SVIL: variants seen among roughly 807,000 people sequenced by gnomAD.
The protein encoded by SVIL is supervillin.
SVIL carries 101 observed loss-of-function variants against 240.4 expected under a neutral mutation model. That is an observed-to-expected ratio of 0.42 (90% CI 0.36 to 0.50). The LOEUF (loss-of-function observed/expected upper bound fraction) is 0.50. Among genes scored for constraint, SVIL ranks in the 20% least tolerant of loss-of-function variants. SVIL has a pLI of 0.01. For missense variants in SVIL, 2,512 were observed against 2,818.7 expected, an observed-to-expected ratio of 0.89 and a Z score of 2.46; for synonymous variants, 999 against 1,100.0, an observed-to-expected ratio of 0.91 and a Z score of 1.82.
chr10:29,635,729 T>C (rs1350238063), upstream of SVIL, among the ~76,000 whole-genome samples: 3 of 152,226 alleles, frequency 2.0e-5, no homozygotes, highest in African/African-American at 7.2e-5. Context: ...CAACCCTGTT[T>C]ACAAAATACT....
chr10:29,552,809 A>C (rs946246858), intron 5 of SVIL, among the ~76,000 whole-genome samples: 17 of 152,030 alleles, frequency 1.1e-4, no homozygotes, highest in African/African-American at 4.1e-4. Context: ...GCCTCTTCCC[A>C]CCCTCTGGCA....
intron 17 of SVIL, among the ~76,000 whole-genome samples, chr10:29,506,656 T>TAC (rs567169768): frequency 3.7e-5 from 5 of 134,908 alleles, no homozygotes; most frequent in African/African-American, 1.5e-4. Flanking sequence ...ACAGAGGCCC[T>TAC]GGAGGGAGGG....
intron 17 of SVIL, among the ~76,000 whole-genome samples, chr10:29,502,780 G>C (rs1231705986): frequency 6.6e-6 from 1 of 152,156 alleles, no homozygotes; most frequent in African/African-American, 2.4e-5. Flanking sequence ...GTCACAGCTT[G>C]AAACTGTGCA....
chr10:29,539,986 T>C (rs1015074251), intron 6 of SVIL, among the ~76,000 whole-genome samples: 2 of 152,166 alleles, frequency 1.3e-5, no homozygotes, highest in East Asian at 3.9e-4. Flanking sequence ...AACCTCTTTC[T>C]ACCACCTGTG....
intron 18 of SVIL, among the ~76,000 whole-genome samples, chr10:29,497,458 C>T (rs1241970184): frequency 6.6e-6 from 1 of 152,196 alleles, no homozygotes; most frequent in African/African-American, 2.4e-5. Flanking sequence ...CCCAAACACT[C>T]TTATGAAGCC....
At position 29,532,101 on chromosome 10, in the gene SVIL, C is replaced by T. The variant is rs202239155; in HGVS notation, c.1910G>A (p.Arg637Gln). ...PTGVERERGS[R>Q]KPRRYFSPGE... Reference sequence around the variant, plus strand: ...AGGAGAAAAATAGCGTCTTGGTTTCCGGGACCCTCTCTCCCGTTCCACACC... The same window carrying T: ...AGGAGAAAAATAGCGTCTTGGTTTCTGGGACCCTCTCTCCCGTTCCACACC... Residue 637 changes from arginine to glutamine, a missense_variant, in exon 9 of 38, where the codon CGG becomes CAG. By Grantham distance (43) the Arg-to-Gln change is conservative (BLOSUM62 1). Coordinates refer to ENST00000355867, the MANE Select transcript of SVIL (RefSeq NM_021738.3). The T allele has an allele frequency of 5.1e-5, 82 of 1,614,000 alleles. No homozygotes were observed. Among genetic ancestry groups the T allele is most frequent in the South Asian group, 2.9e-4 (26 of 91,070 alleles).
Position 29,470,290 on chromosome 10 carries a change from G to C in SVIL, c.5829C>G (p.Asn1943Lys). The C allele has an allele frequency of 1.2e-6, 2 of 1,614,204 alleles. No homozygotes were observed. Among genetic ancestry groups the C allele is most frequent in the South Asian group, 2.2e-5 (2 of 91,088 alleles). ...HTKEVGRTAA[N>K]KIKEQCPLEA... ...ACAACACTCACTGTTCCTTGATCTT[G>C]TTCGCAGCGGTCCTTCCGACCTCCT... The change falls in exon 32 of 38, where the codon AAC becomes AAG. Residue 1943 changes from asparagine to lysine, a missense_variant. By Grantham distance (94) the Asn-to-Lys change is moderately conservative (BLOSUM62 0). Around this residue, in one of 3 missense-constraint regions of SVIL, gnomAD observed 797 missense variants for 925.3 expected, o/e 0.86. Coordinates refer to ENST00000355867, the MANE Select transcript of SVIL (RefSeq NM_021738.3).
In SVIL at chr10:29,501,760, A is replaced by G. The variant is rs532658233; in HGVS notation, c.3517-2497T>C. Among the ~76,000 whole-genome samples, 27 of 152,324 alleles carry G rather than the reference A, an allele frequency of 1.8e-4. No homozygotes were observed. In the South Asian group the frequency reaches 4.8e-3, roughly 27 times the overall value. On this transcript the variant is annotated intron_variant, in intron 17 of 37. Transcript: ENST00000355867. ...AACAAAGAGAATACGTTTTCTTTGA[A>G]AACGAAGTTTCAGGAGTGAATTTTA...
chr10:29,492,081 T>C (rs539312501), intron 21 of SVIL, among the ~76,000 whole-genome samples: 1 of 152,298 alleles, frequency 6.6e-6, no homozygotes, highest in South Asian at 2.1e-4. Flanking sequence ...GGAGCCTGTC[T>C]AGCGTGTCTC....
intron 12 of SVIL, among the ~76,000 whole-genome samples, chr10:29,529,195 AAAAAAAAAG>A (rs1951170641): frequency 6.7e-6 from 1 of 149,672 alleles, no homozygotes; most frequent in Non-Finnish European, 1.5e-5. Context: ...AAAAAAAAAA[AAAAAAAAAG>A]AAAAAAAGAA....
chr10:29,507,835 G>T, intron 17 of SVIL: 1 of 967,888 alleles, frequency 1.0e-6, no homozygotes, highest in Non-Finnish European at 1.2e-6. Flanking sequence ...AAGCAAGAGG[G>T]TTTAAGGTGA....
intron 3 of SVIL, among the ~76,000 whole-genome samples, chr10:29,646,384 A>T (rs1010718148): frequency 6.6e-6 from 1 of 152,098 alleles, no homozygotes; most frequent in Non-Finnish European, 1.5e-5. Context: ...GTGCATTCTG[A>T]TCTCCTGGGC....
intron 1 of SVIL, among the ~76,000 whole-genome samples, chr10:29,597,753 T>C (rs896567211): frequency 6.6e-5 from 10 of 151,870 alleles, no homozygotes; most frequent in Admixed American, 5.9e-4. Flanking sequence ...CCTTAGTCTC[T>C]TTCTGCTTGA....
chr10:29,605,072 C>T (rs2479693), intron 1 of SVIL, among the ~76,000 whole-genome samples: 69,136 of 151,994 alleles, frequency 0.45, 16,616 homozygotes, highest in Non-Finnish European at 0.52. Context: ...TACAAATAGA[C>T]ACTTAGTTTC....
chr10:29,616,077 G>A (rs1186924044), intron 1 of SVIL, among the ~76,000 whole-genome samples: 1 of 152,174 alleles, frequency 6.6e-6, no homozygotes, highest in African/African-American at 2.4e-5. Flanking sequence ...TAGGTGGGTG[G>A]CTTATTAAAC....
At chr10:29,595,953 G>A (rs1956569459) in intron 1 of SVIL, among the ~76,000 whole-genome samples, 1 of 152,182 alleles carries the variant, frequency 6.6e-6, no homozygotes, top group African/African-American at 2.4e-5. Context: ...GTTTCTGCAG[G>A]GCGAGCTTAG....
Position 29,480,715 on chromosome 10 carries a change from G to T in SVIL, c.5199C>A (p.Gly1733=). ...GTCCTTCCACCAGGCCATAGCCACG[G>T]CCGACGTTCACTCCGTCCAGGATGG... ...AGTILDGVNV[G]RGYGLVEGHD... is the part of the protein sequence containing the mutation. Residue 1733 remains glycine (G), a synonymous_variant, in exon 29 of 38, where the codon GGC becomes GGA. Coordinates refer to ENST00000355867, the MANE Select transcript of SVIL (RefSeq NM_021738.3). 6.2e-7 allele frequency: 1 copy of T among 1,614,158 alleles called. No individual in the cohort carries two copies. Among genetic ancestry groups the T allele is most frequent in the Non-Finnish European group, 8.5e-7 (1 of 1,180,024 alleles).
chr10:29,721,774 ACTGCTGGGGATCC>A (rs1187912495), intron 1 of SVIL, among the ~76,000 whole-genome samples: 1 of 152,226 alleles, frequency 6.6e-6, no homozygotes, highest in Non-Finnish European at 1.5e-5. Context: ...ATATTTCAAT[ACTGCTGGGGATCC>A]CTGCTTTATA....
rs561994421 is a variant in SVIL at position 29,554,846 on chromosome 10, G to A, written c.97C>T (p.Arg33Cys). 34 of 1,613,674 alleles carry A rather than the reference G, an allele frequency of 2.1e-5. No individual in the cohort carries two copies. Among genetic ancestry groups the A allele is most frequent in the South Asian group, 1.6e-4 (15 of 90,974 alleles). The change falls in exon 5 of 38, where the codon CGC becomes TGC. Residue 33 changes from arginine (R) to cysteine (C), a missense_variant. This residue lies in a region of SVIL where 1,443 missense variants were observed against 1,486.6 expected (regional missense o/e 0.97). Transcript: ENST00000355867. The part of the protein sequence containing the change: ...LQSCTGLVTH[R>C]LLEEDTPRYM... ...CGAGGGGTGTCTTCCTCCAGCAGGC[G>A]GTGAGTCACCAATCCTGTGCAGCTC...
Sources: allele counts gnomAD v4.1 joint callset (sites outside exome capture counted in the v4.1 genomes callset), GRCh38; gene constraint gnomAD v4.1.1; regional missense constraint gnomAD v4.1.1; transcripts MANE v1.5; gene names NCBI Gene and HGNC (gene_info 2026-07-23, HGNC 2026-07-21).